CTNND2: variants seen among roughly 807,000 people sequenced by gnomAD.
CTNND2 encodes the protein catenin delta 2, also known as catenin delta-2.
CTNND2 carries 22 observed loss-of-function variants against 144.4 expected under a neutral mutation model. The observed-to-expected ratio is 0.15, with a 90% CI of 0.11 to 0.22. The LOEUF (loss-of-function observed/expected upper bound fraction) is 0.22. Among genes scored for constraint, CTNND2 ranks in the 10% least tolerant of loss-of-function variants. The pLI is 1.00. For missense variants in CTNND2, 1,353 were observed against 1,618.8 expected (o/e 0.84, Z 2.82); for synonymous variants, 751 against 695.6 (o/e 1.08, Z -1.25).
At chr5:11,230,379 T>A (rs1266280268) in intron 10 of CTNND2, among the ~76,000 whole-genome samples, 1 of 117,418 alleles carries the variant, frequency 8.5e-6, no homozygotes, top group Non-Finnish European at 1.9e-5. Flanking sequence ...AAAAAAAAAA[T>A]CCGCAAAAGT....
At chr5:11,148,723 C>T (rs1757471177) in intron 12 of CTNND2, among the ~76,000 whole-genome samples, 1 of 152,210 alleles carries the variant, frequency 6.6e-6, no homozygotes, top group African/African-American at 2.4e-5. Flanking sequence ...TCTACCTTCC[C>T]AAGGCCTCTG....
At chr5:11,670,636 C>G (rs1003268198) in intron 2 of CTNND2, among the ~76,000 whole-genome samples, 1 of 151,732 alleles carries the variant, frequency 6.6e-6, no homozygotes, top group South Asian at 2.1e-4. Context: ...TTATTTTGAA[C>G]CTTCCATCCC....
chr5:11,049,816 A>T (rs1262240312), intron 16 of CTNND2, among the ~76,000 whole-genome samples: 5 of 152,236 alleles, frequency 3.3e-5, no homozygotes, highest in African/African-American at 1.2e-4. Flanking sequence ...CTCACCATTT[A>T]TACCTCCTGG....
At chr5:11,319,133 T>A (rs2150065609) in intron 9 of CTNND2, among the ~76,000 whole-genome samples, 1 of 152,194 alleles carries the variant, frequency 6.6e-6, no homozygotes, top group African/African-American at 2.4e-5. Flanking sequence ...GGCACACCTC[T>A]CATTCCCAAT....
intron 11 of CTNND2, among the ~76,000 whole-genome samples, chr5:11,187,421 A>C (rs185394773): frequency 6.6e-6 from 1 of 152,180 alleles, no homozygotes; most frequent in Admixed American, 6.5e-5. Context: ...TTGAAACTGG[A>C]CCGCTTCCTT....
At chr5:11,081,947 A>T (rs954702835) in intron 16 of CTNND2, among the ~76,000 whole-genome samples, 2 of 152,202 alleles carry the variant, frequency 1.3e-5, no homozygotes, top group Non-Finnish European at 2.9e-5. Context: ...AATGCCACTA[A>T]AATGGTAGAC....
At position 10,973,398 on chromosome 5, in the gene CTNND2, T is replaced by C. The variant is rs1256927479; in HGVS notation, c.*55A>G. On this transcript the variant is annotated 3_prime_UTR_variant, in exon 22 of 22. Coordinates refer to ENST00000304623, the MANE Select transcript of CTNND2 (RefSeq NM_001332.4). The surrounding 1 kb of genome is among the most constrained non-coding windows in gnomAD (Gnocchi z 5.6). ...GAGAAAAAAACAAAACAGAAAGAAA[T>C]GTCTTGTGGTATGCATGCACATGCA... is the stretch of plus-strand genomic sequence containing the variant. The C allele has an allele frequency of 2.8e-6, 4 of 1,440,414 alleles. No homozygotes were observed. The African/African-American group carries it at 4.3e-5, about 15-fold the overall frequency. 89.2% of individuals were successfully genotyped at this position (1,440,414 alleles called of 1,614,324 possible).
At chr5:11,662,188 T>C (rs1487702904) in intron 2 of CTNND2, among the ~76,000 whole-genome samples, 5 of 131,498 alleles carry the variant, frequency 3.8e-5, no homozygotes, top group Admixed American at 1.5e-4. Flanking sequence ...CATATATGTG[T>C]ATATATGTGT....
chr5:11,655,687 T>C (rs1417480737), intron 2 of CTNND2, among the ~76,000 whole-genome samples: 1 of 151,978 alleles, frequency 6.6e-6, no homozygotes, highest in East Asian at 1.9e-4. Flanking sequence ...GCTTTGCTTA[T>C]ATTGATTGAT....
intron 3 of CTNND2, among the ~76,000 whole-genome samples, chr5:11,487,181 G>A (rs944459168): frequency 1.4e-4 from 21 of 147,666 alleles, no homozygotes; most frequent in Admixed American, 5.4e-4. Context: ...GATCAACTAC[G>A]GCAAAACTTT....
intron 9 of CTNND2, among the ~76,000 whole-genome samples, chr5:11,290,240 A>C (rs962712631): frequency 4.6e-5 from 7 of 152,198 alleles, no homozygotes; most frequent in African/African-American, 1.7e-4. Context: ...AGTAATTTAA[A>C]AGCCTTTGCA....
At chr5:11,347,519 A>T (rs1754919967) in intron 8 of CTNND2, among the ~76,000 whole-genome samples, 1 of 152,208 alleles carries the variant, frequency 6.6e-6, no homozygotes, top group East Asian at 1.9e-4. Flanking sequence ...CTCAAAATAT[A>T]TTTGACATCT....
At chr5:11,398,922 G>C (rs2149818668) in intron 5 of CTNND2, among the ~76,000 whole-genome samples, 1 of 152,328 alleles carries the variant, frequency 6.6e-6, no homozygotes, top group Non-Finnish European at 1.5e-5. Flanking sequence ...CAGTGTCTGA[G>C]GTCCAAGTGA....
intron 1 of CTNND2, among the ~76,000 whole-genome samples, chr5:11,855,728 A>T: frequency 6.6e-6 from 1 of 152,230 alleles, no homozygotes; most frequent in East Asian, 1.9e-4. Flanking sequence ...ATGCAGAGGC[A>T]TTCACATCAC....
At chr5:11,423,030 T>C (rs1762491187) in intron 3 of CTNND2, among the ~76,000 whole-genome samples, 1 of 152,242 alleles carries the variant, frequency 6.6e-6, no homozygotes, top group Admixed American at 6.5e-5. Context: ...CATTTCCAAA[T>C]ACCAACTATG....
At chr5:11,721,728 C>A (rs1412958230) in intron 2 of CTNND2, among the ~76,000 whole-genome samples, 1 of 152,224 alleles carries the variant, frequency 6.6e-6, no homozygotes, top group Non-Finnish European at 1.5e-5. Flanking sequence ...GTCCACATGG[C>A]CTCTTTACAA....
At chr5:11,590,971 G>A (rs1779206332) in intron 2 of CTNND2, among the ~76,000 whole-genome samples, 2 of 152,334 alleles carry the variant, frequency 1.3e-5, no homozygotes, top group East Asian at 1.9e-4. Context: ...TCTAGACCTA[G>A]ATGCTTTATT....
intron 2 of CTNND2, among the ~76,000 whole-genome samples, chr5:11,683,061 C>T (rs139361818): frequency 4.1e-4 from 62 of 152,256 alleles, no homozygotes; most frequent in African/African-American, 1.2e-3. Flanking sequence ...AATGATGCAT[C>T]GATTTGTAAT....
At chr5:11,348,971 T>G (rs959325127) in intron 8 of CTNND2, among the ~76,000 whole-genome samples, 10 of 152,150 alleles carry the variant, frequency 6.6e-5, no homozygotes, top group Non-Finnish European at 1.5e-4. Flanking sequence ...TTAGACCCTT[T>G]CAGGGAAATG....
Sources: gnomAD v4.1 joint callset for allele counts (sites outside exome capture counted in the v4.1 genomes callset) on GRCh38, gnomAD v4.1.1 for gene constraint, Gnocchi (gnomAD v3.1) non-coding constraint, MANE v1.5 for transcripts, NCBI Gene and HGNC (gene_info 2026-07-23, HGNC 2026-07-21) for gene names.